Variants in MYPN observed in about 807,000 individuals in gnomAD.
MYPN encodes sarcomeric protein myopalladin, 145 kDa (MYOP).
MYPN carries 63 observed loss-of-function variants against 129.4 expected under a neutral mutation model. That is an observed-to-expected ratio of 0.49 (90% confidence interval 0.40 to 0.60). The LOEUF (loss-of-function observed/expected upper bound fraction) is 0.60. MYPN is among the 20% of genes least tolerant of loss of function. MYPN has a pLI of 0.00. For missense variants in MYPN, 1,596 were observed against 1,635.4 expected (o/e 0.98, Z 0.42); for synonymous variants, 629 against 600.9 (o/e 1.05, Z -0.68).
At chr10:68,166,906 G>A (rs1446068809) in intron 10 of MYPN, among the ~76,000 whole-genome samples, 1 of 152,080 alleles carries the variant, frequency 6.6e-6, no homozygotes, top group South Asian at 2.1e-4. Flanking sequence ...AGGCATGGTG[G>A]TGCACACCTA....
In MYPN at chr10:68,159,320, G is replaced by A. The variant is rs549399499; in HGVS notation, c.1459+693G>A. Among the ~76,000 whole-genome samples, 3 of 152,208 alleles carry A rather than the reference G, an allele frequency of 2.0e-5. No homozygotes were observed. In the East Asian group the frequency reaches 5.8e-4, roughly 29 times the overall value. On this transcript the variant is annotated intron_variant, in intron 7 of 19. Transcript: ENST00000358913. ...TATATCCTACTACAACCAACAATAC[G>A]TGGGAATGCCTTTCATCTCACACCT...
chr10:68,124,458 T>A (rs2042296331), intron 2 of MYPN, among the ~76,000 whole-genome samples: 1 of 152,216 alleles, frequency 6.6e-6, no homozygotes, highest in Non-Finnish European at 1.5e-5. Flanking sequence ...AGGACAATAG[T>A]AGTATTAATA....
At position 68,177,539 on chromosome 10, in the gene MYPN, A is replaced by G. The variant is rs12263720; in HGVS notation, c.2703+2078A>G. On this transcript the variant is annotated intron_variant, in intron 12 of 19. Coordinates refer to ENST00000358913, the MANE Select transcript of MYPN (RefSeq NM_032578.4). ...TTTTGGGAAATAAAATGATGATCATATTATAATATTGTTTTATCCATTGCT... is the reference window on the plus strand; with the variant it reads ...TTTTGGGAAATAAAATGATGATCATGTTATAATATTGTTTTATCCATTGCT... Among the ~76,000 whole-genome samples the G allele has an allele frequency of 4.3e-3, 649 of 152,332 alleles. 6 individuals are homozygous for G. The highest frequency in any genetic ancestry group is 0.015 in the African/African-American group (611 of 41,574).
chr10:68,144,550 T>C (rs2042630692), intron 3 of MYPN, among the ~76,000 whole-genome samples: 1 of 152,184 alleles, frequency 6.6e-6, no homozygotes, highest in Non-Finnish European at 1.5e-5. Context: ...TGCCTCCAGA[T>C]TTAGCTGTTA....
Position 68,194,694 on chromosome 10 carries a change from A to G in MYPN, c.3075+182A>G, listed in dbSNP as rs7081017. Among the ~76,000 whole-genome samples, 84,922 of 152,060 alleles carry G rather than the reference A, an allele frequency of 0.56. 25,477 individuals carry two copies. Among genetic ancestry groups the G allele is most frequent in the Non-Finnish European group, 0.66 (44,934 of 67,972 alleles). On this transcript the variant is annotated intron_variant, in intron 14 of 19. Transcript: ENST00000358913. Reference sequence around the variant, plus strand: ...CTTAAAGGACTAGTTAGCCACTGACAGGTCACTCAATCCTTCAGCCTTTGT... The same window carrying G: ...CTTAAAGGACTAGTTAGCCACTGACGGGTCACTCAATCCTTCAGCCTTTGT...
upstream of MYPN, among the ~76,000 whole-genome samples, chr10:68,106,991 G>A (rs759607781): frequency 6.6e-6 from 1 of 152,114 alleles, no homozygotes; most frequent in African/African-American, 2.4e-5. Context: ...AACTATGTTG[G>A]GCATTAGAAA....
chr10:68,112,146 C>T (rs1345704356), intron 1 of MYPN, among the ~76,000 whole-genome samples: 1 of 152,142 alleles, frequency 6.6e-6, no homozygotes, highest in Non-Finnish European at 1.5e-5. Context: ...CTATGCCTAT[C>T]ACTTTTGTGA....
chr10:68,153,427 T>C (rs1211751152), intron 6 of MYPN, among the ~76,000 whole-genome samples: 2 of 152,186 alleles, frequency 1.3e-5, no homozygotes, highest in Non-Finnish European at 2.9e-5. Flanking sequence ...TAAATAAAAA[T>C]AGGAAAATGA....
At chr10:68,190,107 C>A (rs1287461921) in intron 13 of MYPN, among the ~76,000 whole-genome samples, 1 of 151,072 alleles carries the variant, frequency 6.6e-6, no homozygotes, top group Non-Finnish European at 1.5e-5. Context: ...TTGCATTTTC[C>A]TATTGATTAG....
chr10:68,204,215 TG>T (rs1266081243), intron 18 of MYPN, among the ~76,000 whole-genome samples: 1 of 152,210 alleles, frequency 6.6e-6, no homozygotes, highest in African/African-American at 2.4e-5. Context: ...ACGTCTTCTT[TG>T]TTTTCGTATG....
rs150601202 is a variant in MYPN, at chr10:68,180,611, G to A, written c.2703+5150G>A. ...TTACTGCACATCATACCCAGAATCTGTTGGGAACACTTTGAGCAGGTCTTC... is the reference window on the plus strand; with the variant it reads ...TTACTGCACATCATACCCAGAATCTATTGGGAACACTTTGAGCAGGTCTTC... On this transcript the variant is annotated intron_variant, in intron 12 of 19. Transcript: ENST00000358913. Among the ~76,000 whole-genome samples, 268 of 152,340 alleles carry A rather than the reference G, an allele frequency of 1.8e-3. 1 individual carries two copies. The highest frequency in any genetic ancestry group is 6.3e-3 in the African/African-American group (260 of 41,580).
chr10:68,143,161 TTA>T (rs758691619), intron 3 of MYPN, 46 bp downstream of exon 3: 16 of 1,560,090 alleles, frequency 1.0e-5, no homozygotes, highest in Non-Finnish European at 1.4e-5. Context: ...AGTAAGACAT[TTA>T]GTTATAATAA....
chr10:68,096,395 C>G (rs2041956667), intron 1 of MYPN, among the ~76,000 whole-genome samples: 1 of 152,128 alleles, frequency 6.6e-6, no homozygotes, highest in Non-Finnish European at 1.5e-5. Flanking sequence ...AGCCCCGTCT[C>G]TACTAAAAAT....
rs1183138304 is a variant in MYPN at position 68,118,651 on chromosome 10, TAG to T, written c.-1-2781_-1-2780del. Among the ~76,000 whole-genome samples, 9 of 152,138 alleles carry T rather than the reference TAG, an allele frequency of 5.9e-5. No individual in the cohort carries two copies. In the South Asian group the frequency reaches 1.7e-3, roughly 28 times the overall value. On this transcript the variant is annotated intron_variant, in intron 1 of 19. Coordinates refer to ENST00000358913, the MANE Select transcript of MYPN (RefSeq NM_032578.4). ...GAGTTGGAGACCAGCCTGGGCAACA[TAG>T]AGAGACCTCGTTCCTACAGAAAATT...
intron 8 of MYPN, among the ~76,000 whole-genome samples, chr10:68,162,454 A>G (rs1042015260): frequency 2.6e-5 from 4 of 152,204 alleles, no homozygotes; most frequent in African/African-American, 4.8e-5. Flanking sequence ...AAGCTTGCAG[A>G]GATTCAATAA....
intron 2 of MYPN, among the ~76,000 whole-genome samples, chr10:68,142,251 A>T (rs576527282): frequency 6.6e-6 from 1 of 152,122 alleles, no homozygotes; most frequent in Admixed American, 6.6e-5. Flanking sequence ...TTTAATGTCC[A>T]TTTCTCTTAT....
At chr10:68,201,749 C>G (rs1589614142) in intron 17 of MYPN, 80 bp from the exon 18 acceptor site, 2 of 1,535,912 alleles carry the variant, frequency 1.3e-6, no homozygotes, top group Non-Finnish European at 1.8e-6. Context: ...CCACCACACT[C>G]CAGCCTGGGT....
chr10:68,129,187 G>A (rs72795409), intron 2 of MYPN, among the ~76,000 whole-genome samples: 3 of 152,178 alleles, frequency 2.0e-5, no homozygotes, highest in Non-Finnish European at 4.4e-5. Context: ...GAAGAGGCTC[G>A]GCCGTCTGTG....
At chr10:68,207,045 G>A (rs2043828487) in intron 19 of MYPN, 142 bp downstream of exon 19, 2 of 1,032,124 alleles carry the variant, frequency 1.9e-6, no homozygotes, top group Non-Finnish European at 2.9e-6. Flanking sequence ...ATCACCTGAG[G>A]TCAGGAGTTC....
Sources: allele counts gnomAD v4.1 joint callset (sites outside exome capture counted in the v4.1 genomes callset), GRCh38; gene constraint gnomAD v4.1.1; transcripts MANE v1.5; gene names NCBI Gene and HGNC (gene_info 2026-07-23, HGNC 2026-07-21).